The following PCDH15 variants were observed in gnomAD, a reference collection of about 807,000 sequenced individuals.
The protein encoded by PCDH15 is protocadherin-15.
Under a neutral mutation model 178.5 loss-of-function variants are expected in PCDH15, and 129 were observed. The ratio of observed to expected loss-of-function variants is 0.72; its 90% confidence interval spans 0.63 to 0.84. PCDH15 has a LOEUF of 0.84. PCDH15 is among the 40% of genes least tolerant of loss of function. The probability of loss-of-function intolerance (pLI) is 0.00; values close to 1 mark genes in which losing one functional copy is unlikely to be tolerated. For missense variants in PCDH15, 2,230 were observed against 2,099.9 expected (o/e 1.06, Z -1.21); for synonymous variants, 800 against 732.0 (o/e 1.09, Z -1.50).
At chr10:54,273,385 AG>A (rs36002556) in intron 8 of PCDH15, among the ~76,000 whole-genome samples, 92,287 of 149,454 alleles carry the variant, frequency 0.62, 30,537 homozygotes, top group Middle Eastern at 0.78. Context: ...AAAAAAAAAA[AG>A]GTGATGCTTT....
chr10:53,809,807 T>G lies in PCDH15; in HGVS notation c.4671+749A>C, dbSNP rs61862360. On this transcript the variant is annotated intron_variant, in intron 37 of 37. Coordinates refer to ENST00000644397, the MANE Select transcript of PCDH15 (RefSeq NM_001384140.1). Reference sequence around the variant, plus strand: ...CTTCTTGTTACTCAACGTTTAATTTTCCTCTTAGATCAAATAAAAAAGAAA... The same window carrying G: ...CTTCTTGTTACTCAACGTTTAATTTGCCTCTTAGATCAAATAAAAAAGAAA... 0.4 allele frequency among the ~76,000 whole-genome samples: 60,233 copies of G among 151,622 alleles called. 14,645 individuals carry two copies. Among genetic ancestry groups the G allele is most frequent in the East Asian group, 0.93 (4,760 of 5,112 alleles).
At chr10:54,642,411 T>C (rs148399511) in intron 2 of PCDH15, among the ~76,000 whole-genome samples, 326 of 152,318 alleles carry the variant, frequency 2.1e-3, no homozygotes, top group African/African-American at 7.7e-3. Flanking sequence ...GACAAGACAC[T>C]TGATCTCACC....
chr10:55,313,919 T>C (rs980797357), intron 1 of PCDH15, among the ~76,000 whole-genome samples: 4 of 151,890 alleles, frequency 2.6e-5, no homozygotes, highest in East Asian at 1.9e-4. Context: ...ATGAGGGAGG[T>C]AGACAGTGTA....
chr10:55,504,763 T>A (rs767663026), intron 2 of PCDH15, among the ~76,000 whole-genome samples: 6 of 151,348 alleles, frequency 4.0e-5, no homozygotes, highest in Admixed American at 1.3e-4. Context: ...GTATTGTATC[T>A]TACATACAAC....
intron 2 of PCDH15, among the ~76,000 whole-genome samples, chr10:55,091,921 G>A (rs1471109690): frequency 6.6e-6 from 1 of 151,094 alleles, no homozygotes; most frequent in Admixed American, 6.6e-5. Context: ...GGGTCGGTGT[G>A]AGTGCATGCC....
chr10:54,242,165 T>TAC (rs2055433784), intron 8 of PCDH15, among the ~76,000 whole-genome samples: 2 of 102,366 alleles, frequency 2.0e-5, no homozygotes, highest in African/African-American at 8.9e-5. Flanking sequence ...TATATATATA[T>TAC]ATATATATAT....
At position 54,244,003 on chromosome 10, in the gene PCDH15, G is replaced by C. The variant is rs373923742; in HGVS notation, c.877-7072C>G. 4.5e-4 allele frequency among the ~76,000 whole-genome samples: 68 copies of C among 152,266 alleles called. No individual in the cohort carries two copies. The South Asian group carries it at 0.012, about 26-fold the overall frequency. Reference sequence around the variant, plus strand: ...CAATTATTATCCTTAGAACAGAAGAGTGAAGAGCACATTTGAGATAGGTAT... The same window carrying C: ...CAATTATTATCCTTAGAACAGAAGACTGAAGAGCACATTTGAGATAGGTAT... On this transcript the variant is annotated intron_variant, in intron 8 of 37. Transcript: ENST00000644397.
intron 2 of PCDH15, among the ~76,000 whole-genome samples, chr10:55,046,961 T>C (rs1841022016): frequency 6.6e-6 from 1 of 151,892 alleles, no homozygotes; most frequent in African/African-American, 2.4e-5. Flanking sequence ...AAATTACATA[T>C]TCATCTATAT....
intron 3 of PCDH15, among the ~76,000 whole-genome samples, chr10:54,446,313 C>T (rs2076139030): frequency 6.6e-6 from 1 of 151,582 alleles, no homozygotes; most frequent in South Asian, 2.1e-4. Context: ...TATTTAAATA[C>T]ATTCTCTCAT....
chr10:54,579,891 C>A (rs1291446869), intron 2 of PCDH15, among the ~76,000 whole-genome samples: 1 of 151,968 alleles, frequency 6.6e-6, no homozygotes, highest in East Asian at 1.9e-4. Context: ...TTCAGATAAA[C>A]AACGATATTA....
intron 2 of PCDH15, among the ~76,000 whole-genome samples, chr10:55,357,939 T>C (rs559229995): frequency 5.3e-5 from 8 of 152,186 alleles, no homozygotes; most frequent in South Asian, 4.1e-4. Context: ...CCAACAGAGA[T>C]AGCAAGCACC....
intron 2 of PCDH15, among the ~76,000 whole-genome samples, chr10:55,494,003 T>G (rs1188684781): frequency 5.3e-5 from 8 of 151,888 alleles, no homozygotes; most frequent in Non-Finnish European, 5.9e-5. Context: ...AGAATCCATT[T>G]TAATTTTTAA....
At chr10:55,356,203 T>A (rs1422277853) in intron 2 of PCDH15, among the ~76,000 whole-genome samples, 1 of 146,024 alleles carries the variant, frequency 6.8e-6, no homozygotes, top group Non-Finnish European at 1.5e-5. Flanking sequence ...TATAAAAAAA[T>A]TGAAAACTAA....
intron 8 of PCDH15, among the ~76,000 whole-genome samples, chr10:54,307,786 T>G (rs2060645869): frequency 6.6e-6 from 1 of 151,968 alleles, no homozygotes; most frequent in African/African-American, 2.4e-5. Flanking sequence ...CAGAATAAAT[T>G]AGGTCCTATC....
chr10:54,729,574 G>A (rs1943061497), intron 1 of PCDH15, among the ~76,000 whole-genome samples: 1 of 151,588 alleles, frequency 6.6e-6, no homozygotes, highest in South Asian at 2.1e-4. Context: ...ATACCAAATG[G>A]CTTCTGCACA....
At chr10:55,264,133 T>C (rs1374092808) in intron 1 of PCDH15, among the ~76,000 whole-genome samples, 1 of 151,998 alleles carries the variant, frequency 6.6e-6, no homozygotes, top group African/African-American at 2.4e-5. Flanking sequence ...TAACTGCAAA[T>C]TCGTCAGGGC....
Position 55,067,233 on chromosome 10 carries a change from A to G in PCDH15, c.-80+99343T>C, listed in dbSNP as rs546013942. Among the ~76,000 whole-genome samples, 8 of 152,048 alleles carry G rather than the reference A, an allele frequency of 5.3e-5. No individual in the cohort carries two copies. In the East Asian group the frequency reaches 1.5e-3, roughly 29 times the overall value. ...TGTACTCATTAACCAACCTCCCTTCATCCCCACAACACTTCTCAGGCTGTA... is the reference window on the plus strand; with the variant it reads ...TGTACTCATTAACCAACCTCCCTTCGTCCCCACAACACTTCTCAGGCTGTA... On this transcript the variant is annotated intron_variant, in intron 2 of 5. Coordinates refer to the PCDH15 transcript ENST00000458638.
intron 2 of PCDH15, among the ~76,000 whole-genome samples, chr10:55,011,912 A>C (rs1840055212): frequency 6.6e-6 from 1 of 152,112 alleles, no homozygotes; most frequent in African/African-American, 2.4e-5. Context: ...AGCACTCAAA[A>C]CTAAGGCGAG....
chr10:55,585,463 G>A (rs1162244107), intron 2 of PCDH15, among the ~76,000 whole-genome samples: 1 of 152,082 alleles, frequency 6.6e-6, no homozygotes, highest in Non-Finnish European at 1.5e-5. Context: ...CTGATCCTGA[G>A]GTCAGGAGTT....
Sources: allele counts gnomAD v4.1 joint callset (sites outside exome capture counted in the v4.1 genomes callset), GRCh38; gene constraint gnomAD v4.1.1; transcripts MANE v1.5; gene names NCBI Gene and HGNC (gene_info 2026-07-23, HGNC 2026-07-21).